The following CHIC1 variants were observed in gnomAD, a reference collection of about 807,000 sequenced individuals.
The protein encoded by CHIC1 is cysteine-rich hydrophobic domain-containing protein 1.
Under a neutral mutation model 18.5 loss-of-function variants are expected in CHIC1, and 7 were observed. That is an observed-to-expected ratio of 0.38 (90% CI 0.22 to 0.71). CHIC1 has a LOEUF of 0.71. CHIC1 is among the 30% of genes least tolerant of loss of function. CHIC1 has a pLI of 0.49. For synonymous variants in CHIC1, 77 were observed against 73.5 expected, an observed-to-expected ratio of 1.05 and a Z score of -0.25; for missense variants, 159 against 176.9, an observed-to-expected ratio of 0.90 and a Z score of 0.57.
chrX:73,570,528 A>G (rs999000463), intron 1 of CHIC1, among the ~76,000 whole-genome samples: 5 of 111,194 alleles, frequency 4.5e-5, no homozygotes, highest in African/African-American at 1.6e-4. Context: ...ATTGATAGAA[A>G]TGAATTTGAA....
chrX:73,673,755 A>C (rs1481508161), intron 3 of CHIC1, among the ~76,000 whole-genome samples: 1 of 111,003 alleles, frequency 9.0e-6, no homozygotes. Context: ...TCTCCTGACT[A>C]ATTGCCCTGG....
At chrX:73,661,216 C>T (rs1163926035) in intron 3 of CHIC1, among the ~76,000 whole-genome samples, 2 of 112,100 alleles carry the variant, frequency 1.8e-5, no homozygotes, top group South Asian at 3.7e-4. Context: ...TGTTTAATGA[C>T]GTGTCAGGTG....
chrX:73,576,201 TAGA>T (rs2057498182), intron 1 of CHIC1, among the ~76,000 whole-genome samples: 1 of 110,155 alleles, frequency 9.1e-6, no homozygotes, highest in Non-Finnish European at 1.9e-5. Flanking sequence ...AACTTTTTGT[TAGA>T]AGAAGGAATA....
chrX:73,656,340 A>G (rs966943069), intron 3 of CHIC1, among the ~76,000 whole-genome samples: 1 of 111,252 alleles, frequency 9.0e-6, no homozygotes, highest in Non-Finnish European at 1.9e-5. Flanking sequence ...TTTTGTTGCA[A>G]TTGCTTTTGG....
At chrX:73,656,860 G>A (rs1243442829) in intron 3 of CHIC1, among the ~76,000 whole-genome samples, 3 of 111,074 alleles carry the variant, frequency 2.7e-5, no homozygotes, top group Admixed American at 1.9e-4. Context: ...AGTTTAATGG[G>A]AATAGCATTG....
chrX:73,606,334 A>T (rs952580998), intron 3 of CHIC1, among the ~76,000 whole-genome samples: 1 of 106,260 alleles, frequency 9.4e-6, no homozygotes, highest in East Asian at 2.9e-4. Context: ...CAACTCCATC[A>T]GCCCATTCAT....
intron 3 of CHIC1, among the ~76,000 whole-genome samples, chrX:73,657,359 G>C (rs756822888): frequency 9.0e-6 from 1 of 111,452 alleles, no homozygotes; most frequent in Non-Finnish European, 1.9e-5. Context: ...GCGCCCAGCC[G>C]TATTTTATAC....
At chrX:73,651,681 A>G (rs1373939019) in intron 3 of CHIC1, among the ~76,000 whole-genome samples, 1 of 110,975 alleles carries the variant, frequency 9.0e-6, no homozygotes, top group Non-Finnish European at 1.9e-5. Flanking sequence ...AGGGATGTGA[A>G]GGACCTTAAG....
intron 3 of CHIC1, among the ~76,000 whole-genome samples, chrX:73,611,418 G>A (rs1282682119): frequency 4.6e-5 from 5 of 108,618 alleles, no homozygotes; most frequent in Non-Finnish European, 9.4e-5. Context: ...CTGGTCTATC[G>A]TTGTTGGACA....
At chrX:73,606,929 A>G (rs1024846846) in intron 3 of CHIC1, among the ~76,000 whole-genome samples, 3 of 108,587 alleles carry the variant, frequency 2.8e-5, no homozygotes, top group African/African-American at 1.1e-4. Flanking sequence ...TACTCCTGGG[A>G]GTTGTCTTTC....
chrX:73,566,463 C>T (rs765080779), intron 1 of CHIC1, among the ~76,000 whole-genome samples: 3 of 110,026 alleles, frequency 2.7e-5, no homozygotes, highest in Admixed American at 9.8e-5. Flanking sequence ...CTTCCAGCCT[C>T]CTCCCAGATC....
chrX:73,684,428 A>G lies in CHIC1; in HGVS notation c.*3423A>G, dbSNP rs891245440. 2.7e-5 allele frequency: 3 copies of G among 111,693 alleles called. No individual in the cohort carries two copies. Among genetic ancestry groups the G allele is most frequent in the East Asian group, 2.8e-4 (1 of 3,554 alleles). The allele number at this position is 111,693 out of a possible 1,213,427, so 9.2% of individuals were successfully genotyped here. ...AACGTGTAAGCCTTTGAACAAATGTATGAAAGCTTTAAAAGATCATTAGCA... is the reference window on the plus strand; with the variant it reads ...AACGTGTAAGCCTTTGAACAAATGTGTGAAAGCTTTAAAAGATCATTAGCA... On this transcript the variant is annotated 3_prime_UTR_variant, in exon 6 of 6. Transcript: ENST00000373502.
intron 3 of CHIC1, among the ~76,000 whole-genome samples, chrX:73,639,182 C>T (rs2057843877): frequency 9.0e-6 from 1 of 111,459 alleles, no homozygotes; most frequent in African/African-American, 3.3e-5. Flanking sequence ...ACCTCAACAG[C>T]ACCTCTCATT....
rs2058118799 is a variant in CHIC1 at position 73,685,721 on chromosome X, A to C, written c.*4716A>C. On this transcript the variant is annotated 3_prime_UTR_variant, in exon 6 of 6. Coordinates refer to ENST00000373502, the MANE Select transcript of CHIC1 (RefSeq NM_001039840.4). ...GAAAGATATACTGGATATCATAATTATATAATTTCTAAATAGATTTCTTTA... is the reference window on the plus strand; with the variant it reads ...GAAAGATATACTGGATATCATAATTCTATAATTTCTAAATAGATTTCTTTA... The C allele has an allele frequency of 8.9e-6, 1 of 111,912 alleles. No homozygotes were observed. The highest frequency in any genetic ancestry group is 1.9e-5 in the Non-Finnish European group (1 of 53,022). The allele number at this position is 111,912 out of a possible 1,213,427, so 9.2% of individuals were successfully genotyped here. A position where few individuals can be genotyped will look rare whatever the true frequency, so the allele number is the denominator to read the frequency against.
At chrX:73,622,441 G>C (rs1157948232) in intron 3 of CHIC1, among the ~76,000 whole-genome samples, 1 of 111,776 alleles carries the variant, frequency 8.9e-6, no homozygotes, top group Non-Finnish European at 1.9e-5. Context: ...ATGTGTTGAG[G>C]AGTTTATCCA....
At chrX:73,680,120 A>G (rs1411169514) in intron 5 of CHIC1, among the ~76,000 whole-genome samples, 1 of 97,845 alleles carries the variant, frequency 1.0e-5, no homozygotes, top group Non-Finnish European at 2.1e-5. Context: ...TTTTTGGCTG[A>G]CATTTAACTT....
At chrX:73,663,564 G>A (rs1416428640) in intron 3 of CHIC1, among the ~76,000 whole-genome samples, 2 of 110,797 alleles carry the variant, frequency 1.8e-5, no homozygotes, top group Admixed American at 1.9e-4. Flanking sequence ...CTTCCCTGAC[G>A]CTGACAATTT....
At chrX:73,672,341 C>T (rs1333944202) in intron 3 of CHIC1, among the ~76,000 whole-genome samples, 3 of 111,515 alleles carry the variant, frequency 2.7e-5, no homozygotes, top group Non-Finnish European at 5.7e-5. Context: ...GAGGAATCGC[C>T]ACACTGACTT....
At chrX:73,657,933 C>A (rs959701202) in intron 3 of CHIC1, among the ~76,000 whole-genome samples, 2 of 111,387 alleles carry the variant, frequency 1.8e-5, no homozygotes, top group Admixed American at 1.9e-4. Flanking sequence ...GATTTGTATA[C>A]GTTGAACCAA....
Sources: allele counts gnomAD v4.1 joint callset (sites outside exome capture counted in the v4.1 genomes callset), GRCh38; gene constraint gnomAD v4.1.1; transcripts MANE v1.5; gene names NCBI Gene and HGNC (gene_info 2026-07-23, HGNC 2026-07-21).